Variants in CNTN3 observed in about 807,000 individuals in gnomAD.
CNTN3 encodes the protein contactin 3, also known as contactin-3.
In CNTN3, 60 loss-of-function variants were observed where a neutral mutation model predicts 119.1. The observed-to-expected ratio is 0.50, with a 90% CI of 0.41 to 0.62. The LOEUF is 0.62. Among genes scored for constraint, CNTN3 ranks in the 20% least tolerant of loss-of-function variants. The pLI is 0.00. For synonymous variants in CNTN3, 450 were observed against 438.7 expected, an observed-to-expected ratio of 1.03 and a Z score of -0.32; for missense variants, 1,101 against 1,242.4, an observed-to-expected ratio of 0.89 and a Z score of 1.71.
intron 1 of CNTN3, among the ~76,000 whole-genome samples, chr3:74,588,301 T>C (rs1447241065): frequency 2.0e-5 from 3 of 152,058 alleles, no homozygotes; most frequent in African/African-American, 4.8e-5. Context: ...AGCATTCTTA[T>C]ACACCAATAA....
chr3:74,486,842 C>T (rs1486596316), intron 3 of CNTN3, among the ~76,000 whole-genome samples: 1 of 152,094 alleles, frequency 6.6e-6, no homozygotes, highest in Non-Finnish European at 1.5e-5. Flanking sequence ...AGAGTAGCAT[C>T]TAGCAGTTAA....
At chr3:74,306,835 A>G (rs1450796555) in intron 13 of CNTN3, among the ~76,000 whole-genome samples, 1 of 152,178 alleles carries the variant, frequency 6.6e-6, no homozygotes, top group African/African-American at 2.4e-5. Context: ...TAACTATTCT[A>G]CTTTAGTTGC....
chr3:74,304,164 T>A (rs1405627784), intron 13 of CNTN3, among the ~76,000 whole-genome samples: 1 of 152,212 alleles, frequency 6.6e-6, no homozygotes, highest in East Asian at 1.9e-4. Context: ...TTGTATTGCA[T>A]AGTTTTACAT....
At chr3:74,495,497 A>G (rs1192513853) in intron 3 of CNTN3, among the ~76,000 whole-genome samples, 1 of 152,060 alleles carries the variant, frequency 6.6e-6, no homozygotes, top group Non-Finnish European at 1.5e-5. Flanking sequence ...ATATACATAT[A>G]GCACCAAATA....
At chr3:74,301,321 G>T in intron 16 of CNTN3, 77 bp downstream of exon 16, 2 of 1,439,092 alleles carry the variant, frequency 1.4e-6, no homozygotes, top group Non-Finnish European at 1.9e-6. Flanking sequence ...CCCCCTGCTG[G>T]CCTGGAGTTC....
Position 74,477,265 on chromosome 3 carries a change from G to C in CNTN3, c.358+9191C>G, listed in dbSNP as rs1003451289. Among the ~76,000 whole-genome samples the C allele has an allele frequency of 3.3e-5, 5 of 152,132 alleles. No homozygotes were observed. The South Asian group carries it at 1.0e-3, about 31-fold the overall frequency. On this transcript the variant is annotated intron_variant, in intron 4 of 22. Transcript: ENST00000263665. ...CAAAGTCACATGGCTGCTAAATGAT[G>C]AACATAAGCTTCAGACCCAGAAAGT...
At chr3:74,452,860 T>C (rs1702186875) in intron 4 of CNTN3, among the ~76,000 whole-genome samples, 1 of 151,948 alleles carries the variant, frequency 6.6e-6, no homozygotes, top group Admixed American at 6.6e-5. Context: ...ATCCCAGGGA[T>C]GAAGCCCACT....
intron 20 of CNTN3, among the ~76,000 whole-genome samples, chr3:74,271,932 C>T (rs565992281): frequency 2.4e-4 from 37 of 152,310 alleles, no homozygotes; most frequent in African/African-American, 7.9e-4. Context: ...CTTTTTAACT[C>T]GTCTGAAACC....
intron 11 of CNTN3, among the ~76,000 whole-genome samples, chr3:74,359,477 T>A (rs1221843948): frequency 6.6e-6 from 1 of 152,116 alleles, no homozygotes; most frequent in Non-Finnish European, 1.5e-5. Context: ...CACAAAAATG[T>A]CAGCAGTTCT....
At chr3:74,337,687 G>C (rs906248240) in intron 11 of CNTN3, among the ~76,000 whole-genome samples, 1 of 152,050 alleles carries the variant, frequency 6.6e-6, no homozygotes, top group Non-Finnish European at 1.5e-5. Flanking sequence ...TGTCCCACCA[G>C]GTCCCTCCCA....
intron 13 of CNTN3, among the ~76,000 whole-genome samples, chr3:74,318,836 T>A (rs929839125): frequency 6.6e-6 from 1 of 152,180 alleles, no homozygotes; most frequent in African/African-American, 2.4e-5. Context: ...CTGCCCGTTC[T>A]CAGATTTCCA....
At position 74,382,081 on chromosome 3, in the gene CNTN3, G is replaced by A. The variant is rs898529837; in HGVS notation, c.455-10682C>T. Among the ~76,000 whole-genome samples, 6 of 151,984 alleles carry A rather than the reference G, an allele frequency of 3.9e-5. No homozygotes were observed. In the South Asian group the frequency reaches 8.3e-4, roughly 21 times the overall value. On this transcript the variant is annotated intron_variant, in intron 5 of 22. Transcript: ENST00000263665. ...AAATTAGCCAGGCATGGTGGCACACGCCTGTAATCCCAGCTACTTGAGAGT... is the reference window on the plus strand; with the variant it reads ...AAATTAGCCAGGCATGGTGGCACACACCTGTAATCCCAGCTACTTGAGAGT...
At chr3:74,512,648 G>GCCATAGC (rs1703386434) in intron 2 of CNTN3, among the ~76,000 whole-genome samples, 2 of 121,498 alleles carry the variant, frequency 1.6e-5, no homozygotes, top group South Asian at 5.1e-4. Flanking sequence ...AGAAATAATG[G>GCCATAGC]CCATAGCACT....
At chr3:74,330,566 C>CTA (rs1261758867) in intron 13 of CNTN3, among the ~76,000 whole-genome samples, 1 of 152,066 alleles carries the variant, frequency 6.6e-6, no homozygotes, top group Non-Finnish European at 1.5e-5. Flanking sequence ...ATACCATTTA[C>CTA]TATACCATAC....
At position 74,574,062 on chromosome 3, in the gene CNTN3, T is replaced by C. The variant is rs148029319; in HGVS notation, c.-81+40329A>G. On this transcript the variant is annotated intron_variant, in intron 1 of 22. Transcript: ENST00000263665. ...AACAACCCAAATGTCAATCAACTGA[T>C]GAATGGATAAACAAGATATGTTATA... is the stretch of plus-strand genomic sequence containing the variant. Among the ~76,000 whole-genome samples, 11 of 152,292 alleles carry C rather than the reference T, an allele frequency of 7.2e-5. No individual in the cohort carries two copies. In the East Asian group the frequency reaches 7.7e-4, roughly 11 times the overall value.
chr3:74,567,464 A>G (rs1057306234), intron 1 of CNTN3, among the ~76,000 whole-genome samples: 2 of 151,720 alleles, frequency 1.3e-5, no homozygotes, highest in African/African-American at 4.8e-5. Flanking sequence ...CTGGCCTAGC[A>G]TGACTTCTGA....
intron 13 of CNTN3, among the ~76,000 whole-genome samples, chr3:74,308,784 G>A (rs1447337540): frequency 1.3e-5 from 2 of 152,032 alleles, no homozygotes; most frequent in Non-Finnish European, 2.9e-5. Context: ...GGTACCAAAT[G>A]TTCTATTATT....
At chr3:74,441,418 A>G (rs373310136) in intron 4 of CNTN3, among the ~76,000 whole-genome samples, 5 of 152,244 alleles carry the variant, frequency 3.3e-5, no homozygotes, top group Admixed American at 2.6e-4. Context: ...TGTTTTCTTT[A>G]TAAGTTTTAT....
chr3:74,380,249 C>T (rs963643278), intron 5 of CNTN3, among the ~76,000 whole-genome samples: 2 of 152,212 alleles, frequency 1.3e-5, no homozygotes. Context: ...CATTTCACTG[C>T]CAAGACCTGC....
Sources: allele counts gnomAD v4.1 joint callset (sites outside exome capture counted in the v4.1 genomes callset), GRCh38; gene constraint gnomAD v4.1.1; transcripts MANE v1.5; gene names NCBI Gene and HGNC (gene_info 2026-07-23, HGNC 2026-07-21).